Variants in COL5A2 observed in about 807,000 individuals in gnomAD.
COL5A2 encodes the protein collagen alpha-2(V) chain.
A neutral mutation model predicts 208.2 loss-of-function variants in COL5A2; 23 were observed. The ratio of observed to expected loss-of-function variants is 0.11; its 90% CI spans 0.08 to 0.16. The LOEUF is 0.16. Ranked by LOEUF, COL5A2 falls within the 10% of genes least tolerant of loss-of-function variation. COL5A2 has a pLI of 1.00. For synonymous variants in COL5A2, 625 were observed against 628.5 expected (o/e 0.99, Z 0.08); for missense variants, 1,590 against 1,956.4 (o/e 0.81, Z 3.53).
the COL5A2 span, among the ~76,000 whole-genome samples, chr2:189,363,830 T>C: frequency 6.6e-6 from 1 of 152,112 alleles, no homozygotes; most frequent in Non-Finnish European, 1.5e-5. Flanking sequence ...CACTCCCACA[T>C]AGACTGAAGT....
intron 1 of COL5A2, among the ~76,000 whole-genome samples, chr2:189,199,895 T>C (rs1316287051): frequency 6.6e-6 from 1 of 152,194 alleles, no homozygotes; most frequent in Non-Finnish European, 1.5e-5. Context: ...CCATTACAGG[T>C]TGCATCAACA....
chr2:189,286,302 G>C, the COL5A2 span, among the ~76,000 whole-genome samples: 1 of 152,100 alleles, frequency 6.6e-6, no homozygotes, highest in African/African-American at 2.4e-5. Context: ...TGAAACTATA[G>C]ATATTTTTTT....
the COL5A2 span, among the ~76,000 whole-genome samples, chr2:189,411,902 T>C: frequency 6.6e-6 from 1 of 152,164 alleles, no homozygotes; most frequent in Admixed American, 6.5e-5. Flanking sequence ...AATGAATTGC[T>C]ACATACTAAT....
intron 43 of COL5A2, among the ~76,000 whole-genome samples, chr2:189,050,204 A>G (rs577314113): frequency 6.6e-6 from 1 of 152,258 alleles, no homozygotes; most frequent in African/African-American, 2.4e-5. Context: ...TTTACTGTAA[A>G]ATATGGTATT....
At chr2:189,130,506 T>C (rs149580281) in intron 1 of COL5A2, among the ~76,000 whole-genome samples, 78 of 152,208 alleles carry the variant, frequency 5.1e-4, no homozygotes, top group Non-Finnish European at 8.7e-4. Flanking sequence ...AAGCAGGGTA[T>C]CTATGTGTTG....
intron 49 of COL5A2, among the ~76,000 whole-genome samples, chr2:189,042,510 T>C (rs1374382092): frequency 6.6e-6 from 1 of 152,148 alleles, no homozygotes; most frequent in Non-Finnish European, 1.5e-5. Flanking sequence ...ATAAATTTTA[T>C]TGCGGGCCCA....
chr2:189,171,267 T>A (rs963248936), intron 1 of COL5A2, among the ~76,000 whole-genome samples: 1 of 152,166 alleles, frequency 6.6e-6, no homozygotes, highest in South Asian at 2.1e-4. Flanking sequence ...TTGAACCTTA[T>A]TCTTTCTACA....
intron 14 of COL5A2, 102 bp downstream of exon 14, chr2:189,079,876 C>T: frequency 2.1e-6 from 2 of 960,862 alleles, no homozygotes; most frequent in South Asian, 1.3e-5. Flanking sequence ...TGTTTGTAGC[C>T]CTCTCTCCTG....
intron 21 of COL5A2, among the ~76,000 whole-genome samples, chr2:189,067,675 A>G (rs1686183307): frequency 1.3e-5 from 2 of 152,204 alleles, no homozygotes; most frequent in Admixed American, 1.3e-4. Flanking sequence ...ATAAATTCCT[A>G]TTGAAGCTCC....
At chr2:189,397,944 A>C in the COL5A2 span, among the ~76,000 whole-genome samples, 1 of 152,174 alleles carries the variant, frequency 6.6e-6, no homozygotes, top group African/African-American at 2.4e-5. Flanking sequence ...TTATCTCTAA[A>C]CAGGGCTTTA....
chr2:189,131,683 CAGGAAAA>C (rs1347422508), intron 1 of COL5A2, among the ~76,000 whole-genome samples: 1 of 152,106 alleles, frequency 6.6e-6, no homozygotes. Context: ...AATTAGGCTT[CAGGAAAA>C]CACATTGATG....
At chr2:189,438,930 G>C in the COL5A2 span, among the ~76,000 whole-genome samples, 1 of 151,968 alleles carries the variant, frequency 6.6e-6, no homozygotes, top group Admixed American at 6.6e-5. Context: ...TTACCTCTCT[G>C]ACCTCACCTT....
the COL5A2 span, among the ~76,000 whole-genome samples, chr2:189,365,761 T>C: frequency 6.6e-6 from 1 of 152,214 alleles, no homozygotes. Flanking sequence ...CATATTATCT[T>C]GTCTACATTA....
the COL5A2 span, among the ~76,000 whole-genome samples, chr2:189,275,704 G>A: frequency 6.6e-6 from 1 of 151,996 alleles, no homozygotes; most frequent in Non-Finnish European, 1.5e-5. Flanking sequence ...GCCCGCCTCA[G>A]CCTCCCAAAG....
rs780865605 is a variant in COL5A2 at position 189,179,519 on chromosome 2, T to C, written c.86A>G (p.Glu29Gly). ...GQFVSIKAQE[E>G]DEDEGYGEEI... ...AATGGCAAACTCACCATCCTCGTCT[T>C]CTTCCTGGGCTTTTATTGAGACAAA... The change falls in exon 1 of 54, where the codon GAA becomes GGA. Residue 29 changes from glutamate to glycine, a missense_variant. Transcript: ENST00000374866. 3.7e-6 allele frequency: 6 copies of C among 1,611,684 alleles called. 1 individual carries two copies. The East Asian group carries it at 1.3e-4, about 36-fold the overall frequency.
At position 189,066,378 on chromosome 2, in the gene COL5A2, A is replaced by G; in HGVS notation, c.1563+12T>C. 6.2e-7 allele frequency: 1 copy of G among 1,602,970 alleles called. No individual in the cohort carries two copies. Among genetic ancestry groups the G allele is most frequent in the Non-Finnish European group, 8.5e-7 (1 of 1,169,828 alleles). On this transcript the variant is annotated intron_variant, in intron 23 of 53. Coordinates refer to ENST00000374866, the MANE Select transcript of COL5A2 (RefSeq NM_000393.5). ...CACAACTGTAAGAATGTGTTGTATT[A>G]TTTAAATTTACCCTTTCTCCCACTG...
At chr2:189,394,341 T>C in the COL5A2 span, among the ~76,000 whole-genome samples, 38 of 152,136 alleles carry the variant, frequency 2.5e-4, no homozygotes, top group Non-Finnish European at 5.0e-4. Context: ...GGACTGAATG[T>C]TTGTGTCCCC....
chr2:189,363,876 T>C, the COL5A2 span, among the ~76,000 whole-genome samples: 5 of 152,186 alleles, frequency 3.3e-5, no homozygotes, highest in South Asian at 2.1e-4. Context: ...ATGACTTCCA[T>C]GAATCCTGCT....
At chr2:189,102,790 A>C (rs1294070927) in intron 3 of COL5A2, among the ~76,000 whole-genome samples, 1 of 152,156 alleles carries the variant, frequency 6.6e-6, no homozygotes, top group East Asian at 1.9e-4. Context: ...GTTGTAAGTA[A>C]ATATCAAAGT....
Sources: gnomAD v4.1 joint callset for allele counts (sites outside exome capture counted in the v4.1 genomes callset) on GRCh38, gnomAD v4.1.1 for gene constraint, MANE v1.5 for transcripts, NCBI Gene and HGNC (gene_info 2026-07-23, HGNC 2026-07-21) for gene names.